CEP131: variants seen among roughly 807,000 people sequenced by gnomAD.
The protein encoded by CEP131 is centrosomal protein 131, also known as centrosomal protein of 131 kDa.
Under a neutral mutation model 136.8 loss-of-function variants are expected in CEP131, and 99 were observed. The observed-to-expected ratio is 0.72, with a 90% confidence interval of 0.62 to 0.86. The LOEUF is 0.86. CEP131 is among the 40% of genes least tolerant of loss of function. CEP131 has a pLI of 0.00. For missense variants in CEP131, 1,459 were observed against 1,463.0 expected, an observed-to-expected ratio of 1.00 and a Z score of 0.04; for synonymous variants, 646 against 612.7, an observed-to-expected ratio of 1.05 and a Z score of -0.80.
intron 11 of CEP131, 142 bp downstream of exon 11, chr17:81,198,735 C>G (rs1371682372): frequency 2.5e-6 from 2 of 790,942 alleles, no homozygotes; most frequent in Non-Finnish European, 4.0e-6. Flanking sequence ...CAAGAAGACA[C>G]CTCCTGGGTG....
chr17:81,194,211 A>C, intron 17 of CEP131, 84 bp from the exon 18 acceptor site: 3 of 1,309,364 alleles, frequency 2.3e-6, no homozygotes, highest in Non-Finnish European at 3.0e-6. Flanking sequence ...AGCCTGTCTC[A>C]GGCCCAGAGG....
chr17:81,192,727 G>A lies in CEP131; in HGVS notation c.2429+9C>T, dbSNP rs2061670200. On this transcript the variant is annotated intron_variant, in intron 19 of 25. Transcript: ENST00000450824. Reference sequence around the variant, plus strand: ...CCCTGGGAGAGGGCGTGGTGCCCCCGGGCGGCACCTGGCTGCCTGCTGGCC... The same window carrying A: ...CCCTGGGAGAGGGCGTGGTGCCCCCAGGCGGCACCTGGCTGCCTGCTGGCC... 1.1e-5 allele frequency: 17 copies of A among 1,540,034 alleles called. No individual in the cohort carries two copies. The highest frequency in any genetic ancestry group is 1.4e-5 in the African/African-American group (1 of 73,756).
chr17:81,206,265 C>T (rs1039855325), intron 5 of CEP131, among the ~76,000 whole-genome samples: 4 of 152,102 alleles, frequency 2.6e-5, no homozygotes, highest in African/African-American at 9.7e-5. Context: ...AATAACCACA[C>T]GGTCTCTCCC....
rs1309481606 is a variant in CEP131, at chr17:81,189,650, G to A, written c.*119C>T. 1 of 1,015,652 alleles carries A rather than the reference G, an allele frequency of 9.8e-7. No individual in the cohort carries two copies. The highest frequency in any genetic ancestry group is 1.4e-6 in the Non-Finnish European group (1 of 695,696). The allele number at this position is 1,015,652 out of a possible 1,614,324, so 62.9% of individuals were successfully genotyped here. A position where few individuals can be genotyped will look rare whatever the true frequency, so the allele number is the denominator to read the frequency against. Reference sequence around the variant, plus strand: ...AATGCAGCCACAGGTGCTTAGCCGTGGGCATCTCAACCACCAGCCTCTGTG... The same window carrying A: ...AATGCAGCCACAGGTGCTTAGCCGTAGGCATCTCAACCACCAGCCTCTGTG... On this transcript the variant is annotated 3_prime_UTR_variant, in exon 26 of 26. Coordinates refer to ENST00000450824, the MANE Select transcript of CEP131 (RefSeq NM_014984.4).
rs565133821 is a variant in CEP131, at chr17:81,207,173, G to A, written c.339C>T (p.Ala113=). 8.5e-5 allele frequency: 137 copies of A among 1,613,686 alleles called. 2 individuals are homozygous for A. The South Asian group carries it at 1.5e-3, about 17-fold the overall frequency. The change falls in exon 4 of 26, where the codon GCC becomes GCT. Residue 113 remains alanine, a synonymous_variant. Coordinates refer to ENST00000450824, the MANE Select transcript of CEP131 (RefSeq NM_014984.4). ...EGSPSGKKRP[A]SLSTAPSEKG... is the part of the protein sequence containing the mutation. Reference sequence around the variant, plus strand: ...TCTCGCTGGGGGCTGTGCTCAGGCTGGCAGGCCTCTTTTTCCCACTGGGGC... The same window carrying A: ...TCTCGCTGGGGGCTGTGCTCAGGCTAGCAGGCCTCTTTTTCCCACTGGGGC...
chr17:81,207,304 A>G, intron 3 of CEP131, 65 bp from the exon 4 acceptor site: 1 of 1,463,550 alleles, frequency 6.8e-7, no homozygotes, highest in South Asian at 1.2e-5. Context: ...CGCTAGGCAC[A>G]CAGACCAGGC....
intron 2 of CEP131, among the ~76,000 whole-genome samples, chr17:81,216,689 G>A (rs528457272): frequency 2.6e-5 from 4 of 152,340 alleles, no homozygotes; most frequent in South Asian, 2.1e-4. Flanking sequence ...CCGCAAGGTC[G>A]GGCAGGACAG....
chr17:81,192,670 G>T, intron 19 of CEP131, 66 bp downstream of exon 19: 1 of 1,353,420 alleles, frequency 7.4e-7, no homozygotes, highest in East Asian at 2.4e-5. Flanking sequence ...GCGGGTGAGG[G>T]GGCGGGGGGG....
Position 81,215,408 on chromosome 17 carries a change from T to G in CEP131, c.177+4472A>C, listed in dbSNP as rs904510933. Among the ~76,000 whole-genome samples the G allele has an allele frequency of 6.6e-5, 10 of 151,654 alleles. No homozygotes were observed. Among genetic ancestry groups the G allele is most frequent in the Non-Finnish European group, 7.4e-5 (5 of 67,924 alleles). On this transcript the variant is annotated intron_variant, in intron 2 of 25. Coordinates refer to ENST00000450824, the MANE Select transcript of CEP131 (RefSeq NM_014984.4). This position sits in a 1 kb window ranked among gnomAD's most constrained non-coding sequence, Gnocchi z 4.1. ...CACCACTCCCGGCCCCCTTTCAAAT[T>G]TTTTTATTTATTTAATTTTTTTTGA...
At position 81,202,217 on chromosome 17, in the gene CEP131, C is replaced by A. The variant is rs73356021; in HGVS notation, c.788+23G>T. Reference sequence around the variant, plus strand: ...TCTGTGTTCTAGGCTCAGGCCCCCCCCCACCGCCCCAAGATCGGTCACCTC... The same window carrying A: ...TCTGTGTTCTAGGCTCAGGCCCCCCACCACCGCCCCAAGATCGGTCACCTC... On this transcript the variant is annotated intron_variant, in intron 7 of 25. Coordinates refer to ENST00000450824, the MANE Select transcript of CEP131 (RefSeq NM_014984.4). 224 of 1,549,680 alleles carry A rather than the reference C, an allele frequency of 1.4e-4. 1 individual carries two copies. The East Asian group carries it at 1.9e-3, about 13-fold the overall frequency.
chr17:81,190,309 C>A (rs566780887), intron 24 of CEP131, among the ~76,000 whole-genome samples: 28 of 152,282 alleles, frequency 1.8e-4, no homozygotes, highest in African/African-American at 6.7e-4. Flanking sequence ...TCGCTGGGAA[C>A]CTTACAGTGC....
rs111254637 is a variant in CEP131, at chr17:81,218,152, C to T, written c.177+1728G>A. Among the ~76,000 whole-genome samples the T allele has an allele frequency of 3.3e-3, 509 of 152,244 alleles. 1 individual carries two copies. Among genetic ancestry groups the T allele is most frequent in the African/African-American group, 0.011 (471 of 41,540 alleles). On this transcript the variant is annotated intron_variant, in intron 2 of 25. Transcript: ENST00000450824. ...CCTCCGCCCGGGTTCAAGCAACTCT[C>T]CTGTCTCAGCCTCCTGAGTAGCTGG...
In CEP131 at chr17:81,198,101, C is replaced by T; in HGVS notation, c.1470+14G>A. On this transcript the variant is annotated intron_variant, in intron 12 of 25. Transcript: ENST00000450824. ...GTGGACAGACTGTGCAGGGCGGGCG[C>T]ACACCGTGGTCACCTCGCTGGCCCA... 9 of 1,548,876 alleles carry T rather than the reference C, an allele frequency of 5.8e-6. No homozygotes were observed. Among genetic ancestry groups the T allele is most frequent in the Middle Eastern group, 2.2e-4 (1 of 4,606 alleles).
At chr17:81,204,631 A>G (rs111694837) in intron 5 of CEP131, among the ~76,000 whole-genome samples, 2,183 of 152,258 alleles carry the variant, frequency 0.014, 52 homozygotes, top group African/African-American at 0.046. Flanking sequence ...CCAACAGAAC[A>G]TGATGGGAAT....
intron 14 of CEP131, 27 bp from the exon 15 acceptor site, chr17:81,196,853 G>C (rs778585429): frequency 3.8e-6 from 6 of 1,599,650 alleles, no homozygotes; most frequent in African/African-American, 2.7e-5. Context: ...GAGGAGGGAA[G>C]CGCTAGGACC....
intron 13 of CEP131, chr17:81,197,259 C>A: frequency 1.5e-6 from 1 of 664,076 alleles, no homozygotes; most frequent in South Asian, 2.1e-5. Flanking sequence ...GCCGTGGCCT[C>A]AGGAATAAAA....
Position 81,197,015 on chromosome 17 carries a change from C to A in CEP131, c.1688G>T (p.Gly563Val). ...PEAGPGPLEL[G>V]SEVSTSVMRL... is the part of the protein sequence containing the mutation. The stretch of plus-strand genomic sequence containing the variant: ...CATCACAGACGTGCTCACCTCGGAC[C>A]CCAGCTCCAGGGGCCCCGGCCCCGC... The change falls in exon 14 of 26, where the codon GGG becomes GTG. Residue 563 changes from glycine (G) to valine (V), a missense_variant. Gly to Val is a moderately radical substitution (Grantham distance 109). Coordinates refer to ENST00000450824, the MANE Select transcript of CEP131 (RefSeq NM_014984.4). The A allele has an allele frequency of 6.3e-7, 1 of 1,596,814 alleles. No individual in the cohort carries two copies. Among genetic ancestry groups the A allele is most frequent in the Non-Finnish European group, 8.5e-7 (1 of 1,171,912 alleles).
chr17:81,195,857 TG>T lies in CEP131; in HGVS notation c.1993del (p.Gln665ArgfsTer16). 1 of 1,606,430 alleles carries T rather than the reference TG, an allele frequency of 6.2e-7. No individual in the cohort carries two copies. On this transcript the variant is annotated frameshift_variant, in exon 16 of 26. Transcript: ENST00000450824. LOFTEE classifies it high-confidence loss of function. ...CACCAGCTCGTGCTGCGCCTGTGCC[TG>T]GGCCACACGCTCGGTGCATCTCTGG... is the stretch of plus-strand genomic sequence containing the variant. ...EDQRCTERVA[Q>X]AQAQHELEIK...
Position 81,206,858 on chromosome 17 carries a change from C to T in CEP131, c.401G>A (p.Arg134Gln), listed in dbSNP as rs763547866. 3.7e-6 allele frequency: 6 copies of T among 1,613,636 alleles called. No individual in the cohort carries two copies. In the Admixed American group the frequency reaches 5.0e-5, roughly 13 times the overall value. Reference sequence around the variant, plus strand: ...GGCATTGGATGGCAAGGTGAAGCCCCGGGGCTGGTCATCCTGTCAGACAGC... The same window carrying T: ...GGCATTGGATGGCAAGGTGAAGCCCTGGGGCTGGTCATCCTGTCAGACAGC... ...ATWNVLDDQPRGFTLPSNARS... is the reference protein window; with the variant it reads ...ATWNVLDDQPQGFTLPSNARS... Residue 134 changes from arginine (R) to glutamine (Q), a missense_variant, in exon 5 of 26, where the codon CGG becomes CAG. Arg to Gln is a conservative substitution (Grantham distance 43, BLOSUM62 1). Coordinates refer to ENST00000450824, the MANE Select transcript of CEP131 (RefSeq NM_014984.4).
Sources: allele counts gnomAD v4.1 joint callset (sites outside exome capture counted in the v4.1 genomes callset), GRCh38; gene constraint gnomAD v4.1.1; non-coding constraint Gnocchi (gnomAD v3.1); transcripts MANE v1.5; gene names NCBI Gene and HGNC (gene_info 2026-07-23, HGNC 2026-07-21).